The following PMEPA1 variants were observed in gnomAD, a reference collection of about 807,000 sequenced individuals.
PMEPA1 encodes the protein prostate transmembrane protein, androgen induced 1, also known as protein TMEPAI.
In PMEPA1, 11 loss-of-function variants were observed where a neutral mutation model predicts 23.0. The observed-to-expected ratio is 0.48, with a 90% confidence interval of 0.30 to 0.79. PMEPA1 has a LOEUF of 0.79. Among genes scored for constraint, PMEPA1 ranks in the 30% least tolerant of loss-of-function variants. The pLI is 0.06. For missense variants in PMEPA1, 377 were observed against 390.9 expected, an observed-to-expected ratio of 0.96 and a Z score of 0.30; for synonymous variants, 204 against 166.4, an observed-to-expected ratio of 1.23 and a Z score of -1.74.
In PMEPA1 at chr20:57,704,488, C is replaced by T. The variant is rs1371584950; in HGVS notation, c.109+4986G>A. Among the ~76,000 whole-genome samples, 2 of 152,234 alleles carry T rather than the reference C, an allele frequency of 1.3e-5. No individual in the cohort carries two copies. The highest frequency in any genetic ancestry group is 4.8e-5 in the African/African-American group (2 of 41,448). On this transcript the variant is annotated intron_variant, in intron 1 of 3. Coordinates refer to ENST00000341744, the MANE Select transcript of PMEPA1 (RefSeq NM_020182.5). The surrounding 1 kb of genome is among the most constrained non-coding windows in gnomAD (Gnocchi z 4.6). ...AAAATGGGCCCTCGGCTTCAATCTCCTTCTCTCAGCATGTGCACCGTACAG... is the reference window on the plus strand; with the variant it reads ...AAAATGGGCCCTCGGCTTCAATCTCTTTCTCTCAGCATGTGCACCGTACAG...
At chr20:57,661,912 T>C (rs553597999) in intron 1 of PMEPA1, among the ~76,000 whole-genome samples, 1 of 117,844 alleles carries the variant, frequency 8.5e-6, no homozygotes, top group Non-Finnish European at 1.7e-5. Context: ...GGGCACTTTA[T>C]GCATCTGTGC....
At chr20:57,684,117 G>A (rs751987095) in intron 1 of PMEPA1, among the ~76,000 whole-genome samples, 3 of 152,144 alleles carry the variant, frequency 2.0e-5, no homozygotes, top group Non-Finnish European at 4.4e-5. Flanking sequence ...GGAGACATCT[G>A]GTCAGCTGCC....
chr20:57,703,100 G>A (rs1259939708), intron 1 of PMEPA1, among the ~76,000 whole-genome samples: 3 of 152,204 alleles, frequency 2.0e-5, no homozygotes, highest in Non-Finnish European at 4.4e-5. Context: ...GTCATCCAAC[G>A]GGAAAATGAG....
At chr20:57,670,339 G>C (rs2071551066) in intron 1 of PMEPA1, among the ~76,000 whole-genome samples, 1 of 152,136 alleles carries the variant, frequency 6.6e-6, no homozygotes, top group Non-Finnish European at 1.5e-5. Flanking sequence ...ACAGCTAATG[G>C]GCTGGCAGAT....
rs2071993438 is a variant in PMEPA1, at chr20:57,700,242, A to G, written c.109+9232T>C. On this transcript the variant is annotated intron_variant, in intron 1 of 3. Coordinates refer to ENST00000341744, the MANE Select transcript of PMEPA1 (RefSeq NM_020182.5). The stretch of plus-strand genomic sequence containing the variant: ...CACTGACAGACCCCTCCACAGGCCC[A>G]TGCTTTACCGAACATGTTCGGGGGA... The G allele has an allele frequency of 6.8e-6, 3 of 438,754 alleles. No individual in the cohort carries two copies. In the Admixed American group the frequency reaches 7.7e-5, roughly 11 times the overall value. The allele number at this position is 438,754 out of a possible 1,614,324, so 27.2% of individuals were successfully genotyped here.
At chr20:57,692,467 G>A (rs926372694) in intron 1 of PMEPA1, among the ~76,000 whole-genome samples, 1 of 152,254 alleles carries the variant, frequency 6.6e-6, no homozygotes, top group Non-Finnish European at 1.5e-5. Flanking sequence ...CTCATGACCA[G>A]GATGCCCAGT....
chr20:57,691,526 T>C (rs1290818414), intron 1 of PMEPA1, among the ~76,000 whole-genome samples: 1 of 152,088 alleles, frequency 6.6e-6, no homozygotes, highest in Non-Finnish European at 1.5e-5. Flanking sequence ...CTGGCACCGC[T>C]CCTCTCCCCT....
intron 1 of PMEPA1, among the ~76,000 whole-genome samples, chr20:57,684,023 C>T (rs1244277310): frequency 1.3e-5 from 2 of 152,182 alleles, no homozygotes; most frequent in African/African-American, 2.4e-5. Context: ...GCCCCACCCC[C>T]GGCTCCGCAA....
chr20:57,700,750 G>A (rs56213462), intron 1 of PMEPA1, among the ~76,000 whole-genome samples: 6,829 of 152,206 alleles, frequency 0.045, 287 homozygotes, highest in African/African-American at 0.11. Flanking sequence ...AAAAGGAGCC[G>A]GGCATGGTAG....
intron 1 of PMEPA1, chr20:57,700,250 C>G (rs1197382985): frequency 2.3e-6 from 1 of 429,914 alleles, no homozygotes; most frequent in Non-Finnish European, 4.9e-6. Flanking sequence ...CCATGCTTTA[C>G]CGAACATGTT....
chr20:57,696,450 C>T (rs925847373), intron 1 of PMEPA1, among the ~76,000 whole-genome samples: 1 of 152,218 alleles, frequency 6.6e-6, no homozygotes, highest in Admixed American at 6.5e-5. Flanking sequence ...TCAAATCCTG[C>T]TCTGCGGTGT....
Position 57,709,146 on chromosome 20 carries a change from C to T in PMEPA1, c.109+328G>A, listed in dbSNP as rs113347602. 2.1e-3 allele frequency among the ~76,000 whole-genome samples: 319 copies of T among 152,046 alleles called. 5 individuals carry two copies. The South Asian group carries it at 0.03, about 14-fold the overall frequency. ...CTAAATGCTCCATCGCGACTGCCCT[C>T]AGGGAAATAAAATGGAAACTTCACG... On this transcript the variant is annotated intron_variant, in intron 1 of 3. Coordinates refer to ENST00000341744, the MANE Select transcript of PMEPA1 (RefSeq NM_020182.5).
In PMEPA1 at chr20:57,667,977, C is replaced by T. The variant is rs569002772; in HGVS notation, c.110-8280G>A. 3.9e-5 allele frequency among the ~76,000 whole-genome samples: 6 copies of T among 152,336 alleles called. No homozygotes were observed. In the South Asian group the frequency reaches 1.2e-3, roughly 32 times the overall value. ...GCATGTCTATTTCTTAGGGTAAGAC[C>T]TTTTATGGGTAAAAAAATTTGCTCT... On this transcript the variant is annotated intron_variant, in intron 1 of 3. Transcript: ENST00000341744.
rs1479002290 is a variant in PMEPA1 at position 57,650,971 on chromosome 20, C to G, written c.*1082G>C. The G allele has an allele frequency of 6.6e-6, 1 of 152,202 alleles. No individual in the cohort carries two copies. Among genetic ancestry groups the G allele is most frequent in the Admixed American group, 6.5e-5 (1 of 15,284 alleles). The allele number at this position is 152,202 out of a possible 1,614,324, so 9.4% of individuals were successfully genotyped here. A position where few individuals can be genotyped will look rare whatever the true frequency, so the allele number is the denominator to read the frequency against. The stretch of plus-strand genomic sequence containing the variant: ...GCCCTCTGGCATGTCCCTGGTAGCC[C>G]GGGCACCAGCCGCTGCGGCTTGTGA... On this transcript the variant is annotated 3_prime_UTR_variant, in exon 4 of 4. Coordinates refer to ENST00000341744, the MANE Select transcript of PMEPA1 (RefSeq NM_020182.5).
chr20:57,655,143 G>A lies in PMEPA1; in HGVS notation c.265-2057C>T, dbSNP rs2071309600. On this transcript the variant is annotated intron_variant, in intron 2 of 3. Transcript: ENST00000341744. This position sits in a 1 kb window ranked among gnomAD's most constrained non-coding sequence, Gnocchi z 4.2. ...TGCAATGCACCATACAGTGTGTTCT[G>A]CAAGGTGCCCAGTGAACACAGACTC... Among the ~76,000 whole-genome samples the A allele has an allele frequency of 2.0e-5, 3 of 152,180 alleles. No individual in the cohort carries two copies. In the South Asian group the frequency reaches 6.2e-4, roughly 32 times the overall value.
At chr20:57,674,422 G>A (rs2071609179) in intron 1 of PMEPA1, among the ~76,000 whole-genome samples, 1 of 152,228 alleles carries the variant, frequency 6.6e-6, no homozygotes, top group South Asian at 2.1e-4. Flanking sequence ...GAAAACAAAT[G>A]TCTACTGTCT....
At chr20:57,687,426 G>C (rs796793263) in intron 1 of PMEPA1, among the ~76,000 whole-genome samples, 8 of 152,200 alleles carry the variant, frequency 5.3e-5, no homozygotes, top group African/African-American at 1.9e-4. Context: ...AAGAACCCAG[G>C]TGCTTTTTGC....
chr20:57,702,490 G>C (rs558778466), intron 1 of PMEPA1, among the ~76,000 whole-genome samples: 1 of 152,290 alleles, frequency 6.6e-6, no homozygotes, highest in South Asian at 2.1e-4. Context: ...TCTGAGAGGT[G>C]GCCAATTCGT....
intron 1 of PMEPA1, among the ~76,000 whole-genome samples, chr20:57,670,352 T>C (rs933291015): frequency 1.3e-5 from 2 of 152,168 alleles, no homozygotes; most frequent in African/African-American, 4.8e-5. Context: ...TGGCAGATGA[T>C]GGTTCTGAGT....
Sources: gnomAD v4.1 joint callset for allele counts (sites outside exome capture counted in the v4.1 genomes callset) on GRCh38, gnomAD v4.1.1 for gene constraint, Gnocchi (gnomAD v3.1) non-coding constraint, MANE v1.5 for transcripts, NCBI Gene and HGNC (gene_info 2026-07-23, HGNC 2026-07-21) for gene names.